Variants in IL1RAPL2 observed in about 807,000 individuals in gnomAD.
The protein encoded by IL1RAPL2 is X-linked interleukin-1 receptor accessory protein-like 2.
In IL1RAPL2, 3 loss-of-function variants were observed where a neutral mutation model predicts 44.1. The observed-to-expected ratio is 0.07, with a 90% CI of 0.03 to 0.18. The LOEUF is 0.18. IL1RAPL2 is among the 10% of genes least tolerant of loss of function. The pLI is 1.00. For missense variants in IL1RAPL2, 391 were observed against 496.4 expected (o/e 0.79, Z 2.02); for synonymous variants, 181 against 178.8 (o/e 1.01, Z -0.10).
At chrX:104,846,345 C>A (rs1239122827) in intron 2 of IL1RAPL2, among the ~76,000 whole-genome samples, 5 of 109,891 alleles carry the variant, frequency 4.5e-5, no homozygotes, top group African/African-American at 1.3e-4. Context: ...ATCCCTCCCC[C>A]CTCTCCCCAC....
At chrX:104,630,150 A>ATTT (rs3056013) in intron 1 of IL1RAPL2, among the ~76,000 whole-genome samples, 10,068 of 88,449 alleles carry the variant, frequency 0.11, 1,805 homozygotes, top group African/African-American at 0.42. Context: ...CACCTGGATA[A>ATTT]TTTTTTTTTT....
At chrX:105,081,419 T>C (rs937635764) in intron 2 of IL1RAPL2, among the ~76,000 whole-genome samples, 85 of 111,717 alleles carry the variant, frequency 7.6e-4, no homozygotes, top group Middle Eastern at 4.2e-3. Context: ...CTTTTCATTA[T>C]CAAATTTTGT....
intron 5 of IL1RAPL2, among the ~76,000 whole-genome samples, chrX:105,386,871 G>A (rs2035479982): frequency 9.0e-6 from 1 of 111,398 alleles, no homozygotes; most frequent in East Asian, 2.8e-4. Flanking sequence ...TTCTATTATA[G>A]AATCTCAAGG....
Position 105,243,383 on chromosome X carries a change from C to A in IL1RAPL2, c.543+9379C>A, listed in dbSNP as rs1178226311. Among the ~76,000 whole-genome samples the A allele has an allele frequency of 5.5e-5, 6 of 109,100 alleles. No homozygotes were observed. In the Admixed American group the frequency reaches 6.0e-4, roughly 11 times the overall value. 94.7% of individuals were successfully genotyped at this position (109,100 alleles called of 115,157 possible). A position where few individuals can be genotyped will look rare whatever the true frequency, so the allele number is the denominator to read the frequency against. On this transcript the variant is annotated intron_variant, in intron 4 of 10. Transcript: ENST00000372582. ...GCCGTGATTATAAGTTTCCTGGGGC[C>A]TCCCCAGCCATCCAGAACTGTGAAT... is the stretch of plus-strand genomic sequence containing the variant.
At chrX:105,285,983 T>C (rs1179780439) in intron 5 of IL1RAPL2, among the ~76,000 whole-genome samples, 4 of 111,864 alleles carry the variant, frequency 3.6e-5, no homozygotes, top group African/African-American at 1.3e-4. Flanking sequence ...CCTTTTTGGT[T>C]GGTTCATAAA....
intron 2 of IL1RAPL2, among the ~76,000 whole-genome samples, chrX:104,854,759 A>G (rs757664841): frequency 1.4e-4 from 16 of 111,787 alleles, no homozygotes; most frequent in Non-Finnish European, 2.6e-4. Flanking sequence ...AGCAATATCT[A>G]AAAGGGGACA....
At chrX:105,606,727 A>G (rs113063537) in intron 6 of IL1RAPL2, among the ~76,000 whole-genome samples, 50 of 111,970 alleles carry the variant, frequency 4.5e-4, no homozygotes, top group African/African-American at 1.6e-3. Flanking sequence ...AAAAAGAATT[A>G]TATCTTGTCA....
chrX:104,802,099 C>T (rs1602734325), intron 2 of IL1RAPL2, among the ~76,000 whole-genome samples: 1 of 110,939 alleles, frequency 9.0e-6, no homozygotes, highest in Non-Finnish European at 1.9e-5. Flanking sequence ...AATCCCAGCA[C>T]TTTGGGAGGC....
chrX:105,159,462 G>A (rs1047312731), intron 2 of IL1RAPL2, among the ~76,000 whole-genome samples: 1 of 112,244 alleles, frequency 8.9e-6, no homozygotes, highest in Admixed American at 9.4e-5. Flanking sequence ...AATGGGATAG[G>A]AAATGAGATA....
intron 2 of IL1RAPL2, among the ~76,000 whole-genome samples, chrX:104,807,602 C>T (rs1932931686): frequency 9.0e-6 from 1 of 111,532 alleles, no homozygotes; most frequent in Non-Finnish European, 1.9e-5. Flanking sequence ...TTTCCACAAG[C>T]CCACCATCAG....
intron 1 of IL1RAPL2, among the ~76,000 whole-genome samples, chrX:104,615,859 T>C (rs765996459): frequency 8.9e-6 from 1 of 112,297 alleles, no homozygotes; most frequent in Non-Finnish European, 1.9e-5. Flanking sequence ...ATAAAAGTGT[T>C]CTTATTTCTC....
At chrX:105,666,009 G>A (rs1282040433) in intron 6 of IL1RAPL2, among the ~76,000 whole-genome samples, 1 of 109,220 alleles carries the variant, frequency 9.2e-6, no homozygotes, top group Non-Finnish European at 1.9e-5. Context: ...TGATCCGCCT[G>A]TCTCAGCCTC....
intron 2 of IL1RAPL2, among the ~76,000 whole-genome samples, chrX:104,740,933 G>A (rs578131957): frequency 4.8e-4 from 53 of 111,241 alleles, no homozygotes; most frequent in Middle Eastern, 4.7e-3. Context: ...GTTAAATGCC[G>A]TTGTTCATAA....
At chrX:105,253,027 A>G (rs1318657663) in intron 4 of IL1RAPL2, among the ~76,000 whole-genome samples, 1 of 111,367 alleles carries the variant, frequency 9.0e-6, no homozygotes, top group Non-Finnish European at 1.9e-5. Flanking sequence ...TGCCTTTTAT[A>G]TGTTGTTCAA....
At chrX:104,581,958 A>G (rs963978421) in intron 1 of IL1RAPL2, among the ~76,000 whole-genome samples, 5 of 112,085 alleles carry the variant, frequency 4.5e-5, no homozygotes, top group Non-Finnish European at 9.4e-5. Flanking sequence ...AGATACCAGA[A>G]TAAAGAATGG....
At chrX:104,863,878 T>C (rs1452247273) in intron 2 of IL1RAPL2, among the ~76,000 whole-genome samples, 2 of 112,383 alleles carry the variant, frequency 1.8e-5, no homozygotes, top group African/African-American at 6.5e-5. Context: ...AGTTGAATGA[T>C]GATGTCACTT....
chrX:105,450,043 A>G (rs1258359832), intron 5 of IL1RAPL2, among the ~76,000 whole-genome samples: 1 of 111,946 alleles, frequency 8.9e-6, no homozygotes. Flanking sequence ...ATTGGAGTCA[A>G]AAACCTTAGC....
intron 2 of IL1RAPL2, among the ~76,000 whole-genome samples, chrX:105,192,076 C>T (rs189540811): frequency 6.2e-5 from 7 of 112,041 alleles, no homozygotes; most frequent in African/African-American, 2.3e-4. Context: ...AGTTGGCTCC[C>T]TCTATGGGCT....
intron 6 of IL1RAPL2, among the ~76,000 whole-genome samples, chrX:105,592,352 C>A (rs2037178488): frequency 9.0e-6 from 1 of 111,636 alleles, no homozygotes; most frequent in Non-Finnish European, 1.9e-5. Context: ...TTGAAGATAG[C>A]ATAAGCTAGG....
Sources: gnomAD v4.1 joint callset for allele counts (sites outside exome capture counted in the v4.1 genomes callset) on GRCh38, gnomAD v4.1.1 for gene constraint, MANE v1.5 for transcripts, NCBI Gene and HGNC (gene_info 2026-07-23, HGNC 2026-07-21) for gene names.